The following NCK2 variants were observed in gnomAD, a reference collection of about 807,000 sequenced individuals.
NCK2 encodes the protein NCK adaptor protein 2, also known as cytoplasmic protein NCK2.
In NCK2, 16 loss-of-function variants were observed where a neutral mutation model predicts 33.9. That is an observed-to-expected ratio of 0.47 (90% CI 0.32 to 0.72). The LOEUF is 0.72. NCK2 is among the 30% of genes least tolerant of loss of function. The pLI is 0.03. For missense variants in NCK2, 418 were observed against 537.3 expected, an observed-to-expected ratio of 0.78 and a Z score of 2.19; for synonymous variants, 273 against 239.9, an observed-to-expected ratio of 1.14 and a Z score of -1.27.
intron 1 of NCK2, among the ~76,000 whole-genome samples, chr2:105,807,934 T>C (rs1316954530): frequency 1.3e-5 from 2 of 149,906 alleles, no homozygotes; most frequent in South Asian, 4.3e-4. Context: ...TGATGAAGTC[T>C]CCCTCTGTTG....
In NCK2 at chr2:105,831,310, C is replaced by G. The variant is rs182317953; in HGVS notation, c.-17+14697C>G. ...GATTTGTAGGAAACCGCAAAAGAACCCTGAATAGCCAAAGCAATATTGAGC... is the reference window on the plus strand; with the variant it reads ...GATTTGTAGGAAACCGCAAAAGAACGCTGAATAGCCAAAGCAATATTGAGC... On this transcript the variant is annotated intron_variant, in intron 2 of 4. Coordinates refer to ENST00000233154, the MANE Select transcript of NCK2 (RefSeq NM_003581.5). 6.3e-4 allele frequency among the ~76,000 whole-genome samples: 96 copies of G among 152,138 alleles called. No homozygotes were observed. The South Asian group carries it at 0.015, about 24-fold the overall frequency.
chr2:105,836,831 C>T (rs894000579), intron 2 of NCK2, among the ~76,000 whole-genome samples: 9 of 152,112 alleles, frequency 5.9e-5, no homozygotes, highest in African/African-American at 2.2e-4. Context: ...AATCCAGTCT[C>T]CAAATGGTGC....
At chr2:105,865,041 C>T (rs1677693203) in intron 3 of NCK2, among the ~76,000 whole-genome samples, 2 of 152,146 alleles carry the variant, frequency 1.3e-5, no homozygotes, top group African/African-American at 2.4e-5. Flanking sequence ...GTGTCAGGGC[C>T]GCAGGCTCCC....
chr2:105,815,122 G>C (rs1252661112), intron 1 of NCK2, among the ~76,000 whole-genome samples: 1 of 152,196 alleles, frequency 6.6e-6, no homozygotes, highest in African/African-American at 2.4e-5. Flanking sequence ...ACTTAACAGA[G>C]AGAAGGGCAA....
chr2:105,864,911 C>T (rs1303004455), intron 3 of NCK2, among the ~76,000 whole-genome samples: 3 of 151,466 alleles, frequency 2.0e-5, no homozygotes. Context: ...ATGCAGTTAA[C>T]ACCATCCAAA....
At chr2:105,795,332 T>C (rs777350948) in intron 1 of NCK2, among the ~76,000 whole-genome samples, 36 of 152,306 alleles carry the variant, frequency 2.4e-4, no homozygotes, top group South Asian at 4.1e-4. Flanking sequence ...AGCAATAGCA[T>C]ACTCTATACA....
intron 2 of NCK2, among the ~76,000 whole-genome samples, chr2:105,848,809 T>C (rs1417286200): frequency 6.6e-6 from 1 of 152,204 alleles, no homozygotes; most frequent in East Asian, 1.9e-4. Context: ...AGGCATGAGA[T>C]ATTACAAAGA....
intron 4 of NCK2, among the ~76,000 whole-genome samples, chr2:105,889,454 G>A (rs1209106354): frequency 6.6e-6 from 1 of 152,082 alleles, no homozygotes; most frequent in Non-Finnish European, 1.5e-5. Flanking sequence ...CTGCATCAGA[G>A]TCCCCTGAAG....
At chr2:105,884,554 A>G (rs193068046) in intron 4 of NCK2, among the ~76,000 whole-genome samples, 116 of 152,350 alleles carry the variant, frequency 7.6e-4, no homozygotes, top group African/African-American at 2.7e-3. Flanking sequence ...TGGATCTTCA[A>G]TAAAATATCC....
At chr2:105,841,111 A>T (rs1241989865) in intron 2 of NCK2, among the ~76,000 whole-genome samples, 1 of 152,200 alleles carries the variant, frequency 6.6e-6, no homozygotes, top group African/African-American at 2.4e-5. Context: ...CTACCCAGAG[A>T]TGACTGCATA....
chr2:105,813,197 A>G (rs1164773258), intron 1 of NCK2, among the ~76,000 whole-genome samples: 1 of 152,206 alleles, frequency 6.6e-6, no homozygotes, highest in Admixed American at 6.5e-5. Flanking sequence ...GCTGATGCTA[A>G]GGTGAAGCCA....
At chr2:105,791,787 G>A (rs943133659) in intron 1 of NCK2, among the ~76,000 whole-genome samples, 2 of 152,156 alleles carry the variant, frequency 1.3e-5, no homozygotes, top group South Asian at 2.1e-4. Context: ...GCAGCTGCTC[G>A]TGGTGGTTGT....
chr2:105,744,865 T>TCGCCGCCGCCGCCGCCGCCGCCGC (rs1170930281), upstream of NCK2: 45 of 153,972 alleles, frequency 2.9e-4, no homozygotes, highest in East Asian at 5.9e-4. Flanking sequence ...CGGGGGAGGG[T>TCGCCGCCGCCGCCGCCGCCGCCGC]CGCCGCCGCC....
rs1274103004 is a variant in NCK2, at chr2:105,890,883, G to C, written c.949-2099G>C. On this transcript the variant is annotated intron_variant, in intron 4 of 4. Coordinates refer to ENST00000233154, the MANE Select transcript of NCK2 (RefSeq NM_003581.5). Reference sequence around the variant, plus strand: ...ACAATGGCCTAGTCCTTTGTTAACTGTCTGGAGGTCCTGCTGGGAGGTCGC... The same window carrying C: ...ACAATGGCCTAGTCCTTTGTTAACTCTCTGGAGGTCCTGCTGGGAGGTCGC... Among the ~76,000 whole-genome samples, 6 of 152,236 alleles carry C rather than the reference G, an allele frequency of 3.9e-5. No homozygotes were observed. In the East Asian group the frequency reaches 9.6e-4, roughly 24 times the overall value.
chr2:105,845,130 A>G (rs980823420), intron 2 of NCK2, among the ~76,000 whole-genome samples: 5 of 152,226 alleles, frequency 3.3e-5, no homozygotes, highest in African/African-American at 4.8e-5. Flanking sequence ...AAGCATAGAT[A>G]CCATGCTTAG....
At position 105,830,670 on chromosome 2, in the gene NCK2, G is replaced by GGTGT. The variant is rs56220635; in HGVS notation, c.-17+14100_-17+14103dup. The stretch of plus-strand genomic sequence containing the variant: ...TTGTTTGCATCCTTGCCAGGAATTT[G>GGTGT]GTGTGTGTGTGTGTGTGTGTGTGTG... On this transcript the variant is annotated intron_variant, in intron 2 of 4. Transcript: ENST00000233154. 8.5e-3 allele frequency among the ~76,000 whole-genome samples: 837 copies of GGTGT among 99,040 alleles called. 4 individuals carry two copies. Among genetic ancestry groups the GGTGT allele is most frequent in the African/African-American group, 0.014 (358 of 25,252 alleles). 65.0% of individuals were successfully genotyped at this position (99,040 alleles called of 152,430 possible). A position where few individuals can be genotyped will look rare whatever the true frequency, so the allele number is the denominator to read the frequency against.
chr2:105,775,754 C>T (rs1411322283), intron 1 of NCK2, among the ~76,000 whole-genome samples: 1 of 152,072 alleles, frequency 6.6e-6, no homozygotes, highest in East Asian at 1.9e-4. Flanking sequence ...AGCACCACAC[C>T]TCCCGGTGTG....
intron 3 of NCK2, among the ~76,000 whole-genome samples, chr2:105,859,170 G>T (rs190635145): frequency 6.6e-6 from 1 of 152,318 alleles, no homozygotes; most frequent in African/African-American, 2.4e-5. Context: ...ATTTTTCAAA[G>T]ATTTTCCCTC....
rs563917348 is a variant in NCK2 at position 105,803,114 on chromosome 2, A to G, written c.-200-13316A>G. 5.9e-5 allele frequency among the ~76,000 whole-genome samples: 9 copies of G among 152,238 alleles called. No individual in the cohort carries two copies. In the East Asian group the frequency reaches 9.7e-4, roughly 16 times the overall value. ...TATAGTTCCCCTAGCTTTGAAGGTCAGTCTTGGGAAAGCAAGGTTAGGCTT... is the reference window on the plus strand; with the variant it reads ...TATAGTTCCCCTAGCTTTGAAGGTCGGTCTTGGGAAAGCAAGGTTAGGCTT... On this transcript the variant is annotated intron_variant, in intron 1 of 4. Transcript: ENST00000233154.
Sources: allele counts gnomAD v4.1 joint callset (sites outside exome capture counted in the v4.1 genomes callset), GRCh38; gene constraint gnomAD v4.1.1; transcripts MANE v1.5; gene names NCBI Gene and HGNC (gene_info 2026-07-23, HGNC 2026-07-21).